Variants in CHMP7 observed in about 807,000 individuals in gnomAD.
CHMP7 encodes CHMP family, member 7.
A neutral mutation model predicts 53.7 loss-of-function variants in CHMP7; 15 were observed. That is an observed-to-expected ratio of 0.28 (90% CI 0.19 to 0.43). The LOEUF (loss-of-function observed/expected upper bound fraction) is 0.43. Among genes scored for constraint, CHMP7 ranks in the 20% least tolerant of loss-of-function variants. The pLI is 1.00. For missense variants in CHMP7, 527 were observed against 569.4 expected, an observed-to-expected ratio of 0.93 and a Z score of 0.76; for synonymous variants, 261 against 228.0, an observed-to-expected ratio of 1.14 and a Z score of -1.30.
rs990729105 is a variant in CHMP7 at position 23,249,415 on chromosome 8, C to G, written c.471+34C>G. On this transcript the variant is annotated intron_variant, in intron 3 of 10. Transcript: ENST00000397677. The stretch of plus-strand genomic sequence containing the variant: ...TCAGAAGGGGGTGTCTGGGTGTCAC[C>G]TGGTGTGATCACAGCATCCTCCACG... The G allele has an allele frequency of 3.9e-6, 6 of 1,528,842 alleles. No homozygotes were observed. The African/African-American group carries it at 6.9e-5, about 18-fold the overall frequency. 94.7% of individuals were successfully genotyped at this position (1,528,842 alleles called of 1,614,324 possible). A position where few individuals can be genotyped will look rare whatever the true frequency, so the allele number is the denominator to read the frequency against.
chr8:23,245,355 G>A (rs1801648846), intron 1 of CHMP7, among the ~76,000 whole-genome samples: 2 of 152,152 alleles, frequency 1.3e-5, no homozygotes, highest in African/African-American at 2.4e-5. Flanking sequence ...GTTGGATTTT[G>A]TCAAATGCTT....
chr8:23,259,881 G>C (rs1022187802), intron 9 of CHMP7: 1 of 421,638 alleles, frequency 2.4e-6, no homozygotes, highest in Non-Finnish European at 4.3e-6. Context: ...CTTCTGACTG[G>C]AGGATCCTCC....
intron 6 of CHMP7, 48 bp from the exon 7 acceptor site, chr8:23,258,282 C>A: frequency 6.2e-7 from 1 of 1,612,624 alleles, no homozygotes; most frequent in South Asian, 1.1e-5. Context: ...TTCCTCTTGC[C>A]CTTTGGCTCG....
intron 2 of CHMP7, chr8:23,248,189 G>A (rs1265745722): frequency 2.2e-6 from 1 of 456,172 alleles, no homozygotes; most frequent in Non-Finnish European, 4.4e-6. Context: ...AGAAACAGTA[G>A]TTGAAGAAGT....
chr8:23,252,193 A>ATTTTTTTTTTTTT (rs1563405578), intron 3 of CHMP7, among the ~76,000 whole-genome samples: 1 of 48,420 alleles, frequency 2.1e-5, no homozygotes, highest in African/African-American at 4.1e-5. Flanking sequence ...GTATTGTGTT[A>ATTTTTTTTTTTTT]TCTTTTTTTT....
At chr8:23,255,617 C>G (rs78884645) in intron 4 of CHMP7, among the ~76,000 whole-genome samples, 185 bp downstream of exon 4, 1,715 of 152,210 alleles carry the variant, frequency 0.011, 39 homozygotes, top group African/African-American at 0.038. Context: ...GTGCACTGTT[C>G]TGAGTAGTGT....
Position 23,260,221 on chromosome 8 carries a change from G to A in CHMP7, c.1198G>A (p.Asp400Asn), listed in dbSNP as rs2128860984. 1 of 1,614,174 alleles carries A rather than the reference G, an allele frequency of 6.2e-7. No individual in the cohort carries two copies. The highest frequency in any genetic ancestry group is 1.1e-5 in the South Asian group (1 of 91,078). Residue 400 changes from aspartate (D) to asparagine (N), a missense_variant, in exon 10 of 11, where the codon GAC (aspartate) becomes AAC (asparagine). Transcript: ENST00000397677. The stretch of plus-strand genomic sequence containing the variant: ...CACCAAAGAACCTTTGGATCTGCCT[G>A]ACAACCCCCGCAATAGGCATTTTAC... ...DTTKEPLDLP[D>N]NPRNRHFTNS...
At chr8:23,248,543 A>G (rs1801798484) in intron 2 of CHMP7, among the ~76,000 whole-genome samples, 1 of 152,228 alleles carries the variant, frequency 6.6e-6, no homozygotes, top group Non-Finnish European at 1.5e-5. Context: ...GGCCCTGCAC[A>G]AATTTTATGC....
In CHMP7 at chr8:23,256,495, C is replaced by G. The variant is rs758002403; in HGVS notation, c.693C>G (p.Val231=). Residue 231 remains valine (V), a synonymous_variant, in exon 5 of 11, where the codon GTC becomes GTG. Coordinates refer to ENST00000397677, the MANE Select transcript of CHMP7 (RefSeq NM_152272.5). The part of the protein sequence containing the change: ...VKFARGPRAK[V]SPVNDVDVGV... The stretch of plus-strand genomic sequence containing the variant: ...TTGCCCGAGGGCCACGTGCCAAGGT[C>G]TCTCCAGTCAATGACGTAGATGTTG... The G allele has an allele frequency of 1.2e-6, 2 of 1,608,092 alleles. No individual in the cohort carries two copies. Among genetic ancestry groups the G allele is most frequent in the East Asian group, 2.2e-5 (1 of 44,854 alleles).
intron 4 of CHMP7, among the ~76,000 whole-genome samples, chr8:23,255,902 C>G (rs147016528): frequency 2.6e-5 from 4 of 151,890 alleles, no homozygotes; most frequent in African/African-American, 9.7e-5. Flanking sequence ...GCTGGAATTA[C>G]AGGCATGCGC....
rs926708402 is a variant in CHMP7 at position 23,261,918 on chromosome 8, G to A, written c.*1319G>A. On this transcript the variant is annotated 3_prime_UTR_variant, in exon 11 of 11. Transcript: ENST00000397677. ...TCTCTCCAACTCGACCTTGGTAAACGGAAATGTTGGGGGTGAAGAGAAACA... is the reference window on the plus strand; with the variant it reads ...TCTCTCCAACTCGACCTTGGTAAACAGAAATGTTGGGGGTGAAGAGAAACA... The A allele has an allele frequency of 4.6e-5, 7 of 152,558 alleles. No homozygotes were observed. Among genetic ancestry groups the A allele is most frequent in the African/African-American group, 1.4e-4 (6 of 41,414 alleles). The allele number at this position is 152,558 out of a possible 1,614,324, so 9.5% of individuals were successfully genotyped here.
At chr8:23,245,944 T>C (rs1053385888) in intron 1 of CHMP7, 18 of 152,250 alleles carry the variant, frequency 1.2e-4, no homozygotes, top group African/African-American at 3.9e-4. Context: ...TTCATGCCCA[T>C]GGGATCTGCA....
chr8:23,249,082 G>GT, intron 2 of CHMP7, 128 bp from the exon 3 acceptor site: 1 of 708,164 alleles, frequency 1.4e-6, no homozygotes. Context: ...TTGGCACAGC[G>GT]TAGGTGCTTA....
In CHMP7 at chr8:23,258,742, C is replaced by A; in HGVS notation, c.971C>A (p.Ala324Asp). The A allele has an allele frequency of 6.2e-7, 1 of 1,611,930 alleles. No individual in the cohort carries two copies. Among genetic ancestry groups the A allele is most frequent in the Non-Finnish European group, 8.5e-7 (1 of 1,178,172 alleles). ...ASQTDQMVFN[A>D]YQAGVGALKL... ...TTGCTTTGTCTTTAGGTTTTTAACG[C>A]CTACCAGGCTGGGGTAGGAGCACTC... Residue 324 changes from alanine (A) to aspartate (D), a missense_variant, in exon 8 of 11, where the codon GCC becomes GAC. Ala to Asp is a moderately radical substitution (Grantham distance 126). Transcript: ENST00000397677.
intron 2 of CHMP7, among the ~76,000 whole-genome samples, chr8:23,248,755 G>T (rs1801806657): frequency 6.6e-6 from 1 of 152,236 alleles, no homozygotes; most frequent in Non-Finnish European, 1.5e-5. Context: ...TGCCTTGGAA[G>T]AGCAAGAAGT....
In CHMP7 at chr8:23,246,583, G is replaced by C. The variant is rs1801691176; in HGVS notation, c.-113G>C. 1.2e-6 allele frequency: 1 copy of C among 848,336 alleles called. No individual in the cohort carries two copies. The highest frequency in any genetic ancestry group is 2.7e-5 in the East Asian group (1 of 37,500). 52.6% of individuals were successfully genotyped at this position (848,336 alleles called of 1,614,324 possible). A position where few individuals can be genotyped will look rare whatever the true frequency, so the allele number is the denominator to read the frequency against. On this transcript the variant is annotated 5_prime_UTR_variant, in exon 2 of 11. Coordinates refer to ENST00000397677, the MANE Select transcript of CHMP7 (RefSeq NM_152272.5). ...AACTTATTTCACGCTCAGGGCGGCG[G>C]TGACGTGTGAACGAGAAGGAGGTGG...
chr8:23,260,095 G>A, intron 9 of CHMP7, 49 bp from the exon 10 acceptor site: 1 of 1,503,464 alleles, frequency 6.7e-7, no homozygotes, highest in African/African-American at 1.4e-5. Context: ...ACTCATTAAT[G>A]CATTTCTCCC....
At position 23,258,057 on chromosome 8, in the gene CHMP7, A is replaced by T; in HGVS notation, c.816A>T (p.Ala272=). 1 of 1,613,568 alleles carries T rather than the reference A, an allele frequency of 6.2e-7. No individual in the cohort carries two copies. ...AERCKEEARR[A]CRAGKKQLAL... Reference sequence around the variant, plus strand: ...GGTGTAAAGAAGAAGCCCGCCGGGCATGCCGAGCAGGAAAGAAGCAGCTGG... The same window carrying T: ...GGTGTAAAGAAGAAGCCCGCCGGGCTTGCCGAGCAGGAAAGAAGCAGCTGG... Residue 272 remains alanine, a synonymous_variant, in exon 6 of 11, where the codon GCA becomes GCT. Transcript: ENST00000397677.
intron 1 of CHMP7, chr8:23,246,015 C>G (rs970031532): frequency 1.3e-5 from 2 of 152,130 alleles, no homozygotes; most frequent in African/African-American, 4.8e-5. Context: ...GTTAGCCAGG[C>G]TAGAGGTTAA....
Sources: allele counts gnomAD v4.1 joint callset (sites outside exome capture counted in the v4.1 genomes callset), GRCh38; gene constraint gnomAD v4.1.1; transcripts MANE v1.5; gene names NCBI Gene and HGNC (gene_info 2026-07-23, HGNC 2026-07-21).